CRPPA: variants seen among roughly 807,000 people sequenced by gnomAD.
The protein encoded by CRPPA is D-ribitol-5-phosphate cytidylyltransferase.
In CRPPA, 43 loss-of-function variants were observed where a neutral mutation model predicts 52.0. That is an observed-to-expected ratio of 0.83 (90% CI 0.65 to 1.07). The LOEUF (loss-of-function observed/expected upper bound fraction) is 1.07. CRPPA is among the 50% of genes least tolerant of loss of function. The pLI is 0.00. For missense variants in CRPPA, 629 were observed against 551.7 expected, an observed-to-expected ratio of 1.14 and a Z score of -1.40; for synonymous variants, 250 against 203.5, an observed-to-expected ratio of 1.23 and a Z score of -1.94.
chr7:16,321,740 A>C (rs1785270333), intron 3 of CRPPA, among the ~76,000 whole-genome samples: 1 of 152,210 alleles, frequency 6.6e-6, no homozygotes, highest in South Asian at 2.1e-4. Context: ...TAGGACAACC[A>C]CTAAAAGTAT....
chr7:16,293,918 T>G (rs1197020783), intron 5 of CRPPA, among the ~76,000 whole-genome samples: 3 of 151,998 alleles, frequency 2.0e-5, no homozygotes, highest in Admixed American at 6.6e-5. Flanking sequence ...TAGTCAAGCA[T>G]ATGACTGTTT....
At chr7:16,402,778 G>C (rs1787853224) in intron 2 of CRPPA, among the ~76,000 whole-genome samples, 2 of 151,910 alleles carry the variant, frequency 1.3e-5, no homozygotes, top group African/African-American at 4.8e-5. Flanking sequence ...AGAGAACTTA[G>C]GACACATGAG....
intron 6 of CRPPA, chr7:16,276,745 A>C (rs1365471118): frequency 1.3e-5 from 2 of 152,220 alleles, no homozygotes; most frequent in Admixed American, 1.3e-4. Flanking sequence ...ATGACTAAGA[A>C]TAAACAATTG....
At chr7:16,283,631 T>G (rs1784364209) in intron 5 of CRPPA, among the ~76,000 whole-genome samples, 1 of 151,630 alleles carries the variant, frequency 6.6e-6, no homozygotes, top group Admixed American at 6.6e-5. Context: ...GGAATAATTT[T>G]GGGGGTAATT....
At chr7:16,168,865 GTGA>G (rs1484447765) in intron 9 of CRPPA, among the ~76,000 whole-genome samples, 1 of 152,198 alleles carries the variant, frequency 6.6e-6, no homozygotes, top group Non-Finnish European at 1.5e-5. Flanking sequence ...AACAAATGAG[GTGA>G]TGATAACTAC....
At chr7:16,141,989 G>T (rs1015637474) in intron 9 of CRPPA, among the ~76,000 whole-genome samples, 3 of 151,956 alleles carry the variant, frequency 2.0e-5, no homozygotes, top group African/African-American at 7.3e-5. Context: ...GGAAGGGGAA[G>T]GAGAATCACC....
At chr7:16,342,794 T>G (rs1455116976) in intron 3 of CRPPA, among the ~76,000 whole-genome samples, 1,696 of 62,726 alleles carry the variant, frequency 0.027, 324 homozygotes, top group Non-Finnish European at 0.041. Context: ...TATATATATA[T>G]ATATCTATAT....
chr7:16,397,763 G>A (rs1481572163), intron 2 of CRPPA, among the ~76,000 whole-genome samples: 2 of 152,220 alleles, frequency 1.3e-5, no homozygotes, highest in Non-Finnish European at 2.9e-5. Context: ...ATTGGCACGT[G>A]ATTGGCACGT....
chr7:16,341,828 A>G (rs2128306031), intron 3 of CRPPA, among the ~76,000 whole-genome samples: 1 of 152,300 alleles, frequency 6.6e-6, no homozygotes, highest in East Asian at 1.9e-4. Context: ...TCTTCCTAAG[A>G]GCAGCTAGAA....
At chr7:16,389,920 A>ATATATAT (rs1325768493) in intron 2 of CRPPA, among the ~76,000 whole-genome samples, 7 of 65,030 alleles carry the variant, frequency 1.1e-4, no homozygotes, top group African/African-American at 2.8e-4. Flanking sequence ...ATACAAAAAA[A>ATATATAT]AAAAAAAAAT....
intron 9 of CRPPA, among the ~76,000 whole-genome samples, chr7:16,097,343 CA>C (rs1781956637): frequency 6.6e-6 from 1 of 152,014 alleles, no homozygotes; most frequent in Admixed American, 6.6e-5. Flanking sequence ...TATTAGAAGA[CA>C]AAAACGCAAT....
At chr7:16,361,010 C>G (rs1374527960) in intron 3 of CRPPA, among the ~76,000 whole-genome samples, 1 of 152,096 alleles carries the variant, frequency 6.6e-6, no homozygotes, top group African/African-American at 2.4e-5. Flanking sequence ...AACTCCTAAA[C>G]TCGACAAAAA....
intron 8 of CRPPA, among the ~76,000 whole-genome samples, chr7:16,256,494 C>T (rs1193962303): frequency 6.6e-6 from 1 of 152,148 alleles, no homozygotes; most frequent in Non-Finnish European, 1.5e-5. Flanking sequence ...TTCACAATAG[C>T]AAAGTCTTGG....
At chr7:16,095,147 A>G (rs1457443889) in intron 9 of CRPPA, among the ~76,000 whole-genome samples, 2 of 152,132 alleles carry the variant, frequency 1.3e-5, no homozygotes, top group Non-Finnish European at 2.9e-5. Context: ...TCAAAAAGAT[A>G]TTTTTTAATT....
At chr7:16,223,113 G>A (rs544643909) in intron 8 of CRPPA, among the ~76,000 whole-genome samples, 60 of 152,024 alleles carry the variant, frequency 3.9e-4, no homozygotes, top group African/African-American at 1.4e-3. Flanking sequence ...GCAACAAGGC[G>A]AAATGCTGTC....
At chr7:16,342,748 TGA>T (rs1785882175) in intron 3 of CRPPA, among the ~76,000 whole-genome samples, 2 of 55,612 alleles carry the variant, frequency 3.6e-5, no homozygotes, top group South Asian at 5.4e-4. Flanking sequence ...GGCAACAGGA[TGA>T]ACCCTGTCTC....
chr7:16,112,620 T>A (rs1305934695), intron 9 of CRPPA, among the ~76,000 whole-genome samples: 1 of 152,142 alleles, frequency 6.6e-6, no homozygotes, highest in Non-Finnish European at 1.5e-5. Flanking sequence ...TACCTAAGAC[T>A]CCTGGCTGTC....
At chr7:16,206,960 G>T (rs1278830049) in intron 9 of CRPPA, among the ~76,000 whole-genome samples, 1 of 152,030 alleles carries the variant, frequency 6.6e-6, no homozygotes, top group Non-Finnish European at 1.5e-5. Flanking sequence ...GTAATGAGAT[G>T]GATGAAAAAC....
At chr7:16,093,416 A>G (rs973121814) in intron 9 of CRPPA, among the ~76,000 whole-genome samples, 19 of 152,112 alleles carry the variant, frequency 1.2e-4, no homozygotes, top group Non-Finnish European at 2.8e-4. Flanking sequence ...CACAACCATT[A>G]CATGCTCCCA....
Sources: gnomAD v4.1 joint callset for allele counts (sites outside exome capture counted in the v4.1 genomes callset) on GRCh38, gnomAD v4.1.1 for gene constraint, MANE v1.5 for transcripts, NCBI Gene and HGNC (gene_info 2026-07-23, HGNC 2026-07-21) for gene names.